The following LYPLAL1 variants were observed in gnomAD, a reference collection of about 807,000 sequenced individuals.
LYPLAL1 encodes lysophospholipase like 1.
A neutral mutation model predicts 19.7 loss-of-function variants in LYPLAL1; 23 were observed. That is an observed-to-expected ratio of 1.17 (90% CI 0.84 to 1.65). LYPLAL1 has a LOEUF of 1.65. Ranked by LOEUF, LYPLAL1 falls within the 40% of genes most tolerant of loss-of-function variation. LYPLAL1 has a pLI of 0.00. For synonymous variants in LYPLAL1, 119 were observed against 96.3 expected (o/e 1.24, Z -1.38); for missense variants, 355 against 279.4 (o/e 1.27, Z -1.93).
chr1:219,201,708 T>C (rs1489821558), intron 3 of LYPLAL1, among the ~76,000 whole-genome samples: 1 of 152,158 alleles, frequency 6.6e-6, no homozygotes, highest in Non-Finnish European at 1.5e-5. Context: ...GGCAGTCATG[T>C]TTGTTTTTGT....
chr1:219,300,061 C>T, the LYPLAL1 span, among the ~76,000 whole-genome samples: 1 of 152,122 alleles, frequency 6.6e-6, no homozygotes, highest in African/African-American at 2.4e-5. Context: ...TAACTGCACC[C>T]ATAGTCTCCT....
the LYPLAL1 span, among the ~76,000 whole-genome samples, chr1:219,255,210 CTT>C: frequency 1.3e-4 from 20 of 151,450 alleles, no homozygotes; most frequent in Admixed American, 2.6e-4. Context: ...ATTATAATAA[CTT>C]TTATTTTTTA....
chr1:219,256,262 CT>C, the LYPLAL1 span, among the ~76,000 whole-genome samples: 3 of 151,826 alleles, frequency 2.0e-5, no homozygotes, highest in African/African-American at 7.2e-5. Context: ...TCTATTTATC[CT>C]TGAATTAGTG....
the LYPLAL1 span, among the ~76,000 whole-genome samples, chr1:219,294,195 G>A: frequency 6.6e-6 from 1 of 152,118 alleles, no homozygotes; most frequent in African/African-American, 2.4e-5. Flanking sequence ...CTCCTGAGAG[G>A]GCAAACAAAT....
chr1:219,295,173 T>G, the LYPLAL1 span, among the ~76,000 whole-genome samples: 5 of 152,202 alleles, frequency 3.3e-5, no homozygotes, highest in Admixed American at 2.0e-4. Context: ...AACTTGCCTA[T>G]GCCCTTATCA....
the LYPLAL1 span, among the ~76,000 whole-genome samples, chr1:219,320,309 C>A: frequency 3.9e-5 from 6 of 152,084 alleles, no homozygotes; most frequent in Non-Finnish European, 7.4e-5. Flanking sequence ...AATGGAAGCA[C>A]AAAAAGGCGC....
chr1:219,437,567 T>A, the LYPLAL1 span, among the ~76,000 whole-genome samples: 2 of 152,014 alleles, frequency 1.3e-5, no homozygotes, highest in African/African-American at 4.8e-5. Flanking sequence ...CATAGATCTG[T>A]GCTGCCAGGT....
chr1:219,292,876 G>A, the LYPLAL1 span, among the ~76,000 whole-genome samples: 1 of 152,202 alleles, frequency 6.6e-6, no homozygotes, highest in African/African-American at 2.4e-5. Flanking sequence ...CTTCAGAGGA[G>A]GCTTCCTGGG....
At chr1:219,198,762 A>G (rs1466753468) in intron 3 of LYPLAL1, 1 of 152,186 alleles carries the variant, frequency 6.6e-6, no homozygotes, top group Non-Finnish European at 1.5e-5. Context: ...GAATGCACAA[A>G]AGATGGTAAG....
chr1:219,249,208 C>T, the LYPLAL1 span, among the ~76,000 whole-genome samples: 4 of 151,894 alleles, frequency 2.6e-5, no homozygotes, highest in East Asian at 1.9e-4. Context: ...ACAAGTCTCC[C>T]GGCCTTCTAT....
At chr1:219,387,136 C>T in the LYPLAL1 span, among the ~76,000 whole-genome samples, 4 of 152,124 alleles carry the variant, frequency 2.6e-5, no homozygotes, top group African/African-American at 9.7e-5. Context: ...CCCACATGCT[C>T]CTCTGTCCAA....
chr1:219,441,568 A>T, the LYPLAL1 span, among the ~76,000 whole-genome samples: 1 of 152,236 alleles, frequency 6.6e-6, no homozygotes, highest in South Asian at 2.1e-4. Context: ...TGAAAAAGAT[A>T]TTGAATAGCT....
chr1:219,438,801 C>A, the LYPLAL1 span, among the ~76,000 whole-genome samples: 7 of 152,140 alleles, frequency 4.6e-5, no homozygotes, highest in Admixed American at 4.6e-4. Flanking sequence ...GGAGAAAAAA[C>A]TAAAATGGGG....
the LYPLAL1 span, among the ~76,000 whole-genome samples, chr1:219,357,344 A>G: frequency 6.6e-6 from 1 of 152,226 alleles, no homozygotes; most frequent in African/African-American, 2.4e-5. Flanking sequence ...CCATTTCACC[A>G]TAAATAATAC....
chr1:219,261,294 T>C, the LYPLAL1 span, among the ~76,000 whole-genome samples: 1 of 152,174 alleles, frequency 6.6e-6, no homozygotes, highest in Non-Finnish European at 1.5e-5. Context: ...CATCGTCCTG[T>C]GTATGATTCT....
the LYPLAL1 span, among the ~76,000 whole-genome samples, chr1:219,396,506 G>T: frequency 1.3e-5 from 2 of 152,132 alleles, no homozygotes; most frequent in African/African-American, 4.8e-5. Context: ...ATTGCTCTGG[G>T]CAGTATGGCC....
At chr1:219,300,398 T>A in the LYPLAL1 span, among the ~76,000 whole-genome samples, 8 of 152,290 alleles carry the variant, frequency 5.3e-5, 1 homozygote, top group African/African-American at 1.2e-4. Flanking sequence ...TGGTTATTTT[T>A]AAATAGAATT....
the LYPLAL1 span, among the ~76,000 whole-genome samples, chr1:219,418,660 CCA>C: frequency 2.0e-5 from 3 of 152,176 alleles, no homozygotes; most frequent in Non-Finnish European, 4.4e-5. Context: ...CACCCAAAAT[CCA>C]CAGTTTACAT....
chr1:219,375,658 A>T, the LYPLAL1 span, among the ~76,000 whole-genome samples: 1 of 152,124 alleles, frequency 6.6e-6, no homozygotes, highest in Non-Finnish European at 1.5e-5. Context: ...CCTAAAATTC[A>T]TGTGGAATCT....
Sources: allele counts gnomAD v4.1 joint callset (sites outside exome capture counted in the v4.1 genomes callset), GRCh38; gene constraint gnomAD v4.1.1; transcripts MANE v1.5; gene names NCBI Gene and HGNC (gene_info 2026-07-23, HGNC 2026-07-21).